Variants in ZNF236 observed in about 807,000 individuals in gnomAD.
ZNF236 encodes the protein zinc finger protein 236, also known as regulated by glucose.
In ZNF236, 50 loss-of-function variants were observed where a neutral mutation model predicts 191.2. That is an observed-to-expected ratio of 0.26 (90% CI 0.21 to 0.33). The LOEUF (loss-of-function observed/expected upper bound fraction) is 0.33, where lower values mean the gene tolerates loss of function less well. ZNF236 is among the 10% of genes least tolerant of loss of function. The pLI, the probability that ZNF236 is intolerant of heterozygous loss-of-function variation, is 1.00. For synonymous variants in ZNF236, 907 were observed against 928.8 expected (o/e 0.98, Z 0.43); for missense variants, 1,754 against 2,374.5 (o/e 0.74, Z 5.43).
chr18:76,862,892 G>T (rs1281179571), intron 3 of ZNF236, among the ~76,000 whole-genome samples: 1 of 152,190 alleles, frequency 6.6e-6, no homozygotes, highest in Admixed American at 6.5e-5. Context: ...CAAGGAAAGA[G>T]CGGTATCAAT....
Position 76,960,630 on chromosome 18 carries a change from T to C in ZNF236, c.5243-49T>C. ...CATACCTCAGGGTAGAGCCCAGGCA[T>C]CCACTATACTTTTCTTAGAGACATT... is the stretch of plus-strand genomic sequence containing the variant. On this transcript the variant is annotated intron_variant, in intron 29 of 30. Transcript: ENST00000320610. This position sits in a 1 kb window ranked among gnomAD's most constrained non-coding sequence, Gnocchi z 4.4. 1 of 1,607,120 alleles carries C rather than the reference T, an allele frequency of 6.2e-7. No individual in the cohort carries two copies. Among genetic ancestry groups the C allele is most frequent in the Non-Finnish European group, 8.5e-7 (1 of 1,174,190 alleles).
At chr18:76,918,607 T>C (rs950103106) in intron 19 of ZNF236, among the ~76,000 whole-genome samples, 2 of 152,144 alleles carry the variant, frequency 1.3e-5, no homozygotes, top group African/African-American at 4.8e-5. Context: ...AAATTTTTTT[T>C]TGTAGAGACG....
At position 76,968,222 on chromosome 18, in the gene ZNF236, G is replaced by T. The variant is rs1327555865; in HGVS notation, c.5427G>T (p.Leu1809=). 1.2e-6 allele frequency: 2 copies of T among 1,613,902 alleles called. No homozygotes were observed. The highest frequency in any genetic ancestry group is 1.7e-6 in the Non-Finnish European group (2 of 1,179,916). ...MKRAHSYAGA[L]QESAGHPEQD... is the part of the protein sequence containing the mutation. ...TCTTTGTCTGCATAACAGGAGCTCT[G>T]CAGGAGTCTGCAGGTCACCCGGAGC... The change falls in exon 31 of 31, where the codon CTG becomes CTT. Residue 1809 remains leucine, a synonymous_variant. Coordinates refer to ENST00000320610, the MANE Select transcript of ZNF236 (RefSeq NM_001306089.2).
chr18:76,939,111 G>A (rs535895489), intron 26 of ZNF236, among the ~76,000 whole-genome samples: 18 of 152,232 alleles, frequency 1.2e-4, no homozygotes, highest in African/African-American at 4.1e-4. Context: ...AAGCCGAGAT[G>A]GGCTTGAGGT....
intron 12 of ZNF236, 131 bp downstream of exon 12, chr18:76,904,652 A>G (rs1977690529): frequency 1.4e-6 from 1 of 694,056 alleles, no homozygotes. Context: ...ACTCCAAAAC[A>G]TTTATTGGTA....
At chr18:76,914,004 G>A (rs1156418227) in intron 18 of ZNF236, 106 bp downstream of exon 18, 1 of 1,220,642 alleles carries the variant, frequency 8.2e-7, no homozygotes, top group Non-Finnish European at 1.1e-6. Context: ...GTACAATTCA[G>A]TGATTTTTAG....
chr18:76,969,112 A>G lies in ZNF236; in HGVS notation c.*773A>G. ...TGCAGAAGCACAAGCCATACATCGC[A>G]GGTAGGAAACCACAGAACCGTCTGC... On this transcript the variant is annotated 3_prime_UTR_variant, in exon 31 of 31. Transcript: ENST00000320610. The G allele has an allele frequency of 2.1e-6, 1 of 480,060 alleles. No homozygotes were observed. Among genetic ancestry groups the G allele is most frequent in the Non-Finnish European group, 2.7e-6 (1 of 367,408 alleles). 29.7% of individuals were successfully genotyped at this position (480,060 alleles called of 1,614,324 possible).
At chr18:76,834,535 A>G in intron 1 of ZNF236, 1 of 491,148 alleles carries the variant, frequency 2.0e-6, no homozygotes, top group South Asian at 1.7e-5. Flanking sequence ...GTCTTTGTCC[A>G]GTTTTAGCCT....
chr18:76,865,064 C>T lies in ZNF236; in HGVS notation c.364-3621C>T, dbSNP rs552996964. Reference sequence around the variant, plus strand: ...ATTAAAAGACATTGCTGGCTGGGCACGGTGGCTCACGCCTGTAATCCCAGC... The same window carrying T: ...ATTAAAAGACATTGCTGGCTGGGCATGGTGGCTCACGCCTGTAATCCCAGC... On this transcript the variant is annotated intron_variant, in intron 3 of 30. Transcript: ENST00000320610. 3.3e-5 allele frequency among the ~76,000 whole-genome samples: 5 copies of T among 152,292 alleles called. No homozygotes were observed. In the East Asian group the frequency reaches 5.8e-4, roughly 18 times the overall value.
chr18:76,892,156 A>ATT (rs1977258218), intron 9 of ZNF236, among the ~76,000 whole-genome samples: 1 of 74,370 alleles, frequency 1.3e-5, no homozygotes, highest in Non-Finnish European at 2.9e-5. Flanking sequence ...TCTTTTTGAA[A>ATT]TTTTCTTCTG....
chr18:76,878,232 A>G (rs1976770415), intron 7 of ZNF236, 80 bp downstream of exon 7: 4 of 1,368,574 alleles, frequency 2.9e-6, no homozygotes, highest in Non-Finnish European at 2.9e-6. Flanking sequence ...TTGAATATTT[A>G]GTAGCAAAAA....
intron 10 of ZNF236, among the ~76,000 whole-genome samples, chr18:76,898,651 T>G (rs1198291814): frequency 6.6e-6 from 1 of 152,246 alleles, no homozygotes; most frequent in Non-Finnish European, 1.5e-5. Context: ...TTACGTAATC[T>G]CAGCAGCAGC....
chr18:76,882,226 T>G (rs576227696), intron 9 of ZNF236, among the ~76,000 whole-genome samples: 2 of 152,328 alleles, frequency 1.3e-5, no homozygotes, highest in South Asian at 4.2e-4. Flanking sequence ...CGTCAAATCT[T>G]GGCCGTCATT....
intron 25 of ZNF236, among the ~76,000 whole-genome samples, chr18:76,933,598 C>T (rs1288423799): frequency 6.6e-6 from 1 of 151,076 alleles, no homozygotes; most frequent in South Asian, 2.1e-4. Flanking sequence ...GATTGGGTGA[C>T]ATTATAAAAT....
chr18:76,842,429 C>T (rs993070199), intron 1 of ZNF236, among the ~76,000 whole-genome samples: 1 of 149,002 alleles, frequency 6.7e-6, no homozygotes. Flanking sequence ...TCTGCTCCAC[C>T]CCCCTCAACT....
rs139229108 is a variant in ZNF236, at chr18:76,871,714, A to C, written c.556A>C (p.Arg186=). The part of the protein sequence containing the change: ...THYKIRVSST[R]SYNRNIDRSG... ...TTATTACACTAGGGTATCAAGTACA[A>C]GGTCTTATAACCGGAATATCGACAG... The change falls in exon 5 of 31, where the codon AGG becomes CGG. Residue 186 remains arginine (R), a synonymous_variant. Transcript: ENST00000320610. 4.9e-4 allele frequency: 796 copies of C among 1,614,196 alleles called. 6 individuals are homozygous for C. In the East Asian group the frequency reaches 8.9e-3, roughly 18 times the overall value.
chr18:76,925,676 C>G lies in ZNF236; in HGVS notation c.4027+122C>G, dbSNP rs1182894585. On this transcript the variant is annotated intron_variant, in intron 22 of 30. Coordinates refer to ENST00000320610, the MANE Select transcript of ZNF236 (RefSeq NM_001306089.2). This position sits in a 1 kb window ranked among gnomAD's most constrained non-coding sequence, Gnocchi z 5.7. ...TAGCACCACGTTTCCCTTCTTTGAG[C>G]CTTTTCCTTATAAGGCATTCGGAAA... is the stretch of plus-strand genomic sequence containing the variant. 7.4e-7 allele frequency: 1 copy of G among 1,359,476 alleles called. No individual in the cohort carries two copies. The highest frequency in any genetic ancestry group is 9.7e-7 in the Non-Finnish European group (1 of 1,026,822). 84.2% of individuals were successfully genotyped at this position (1,359,476 alleles called of 1,614,324 possible).
chr18:76,872,621 A>G (rs779663042), intron 5 of ZNF236, among the ~76,000 whole-genome samples: 2 of 152,246 alleles, frequency 1.3e-5, no homozygotes, highest in South Asian at 2.1e-4. Context: ...TTTTGCTTGA[A>G]TATTTGAAAG....
intron 18 of ZNF236, among the ~76,000 whole-genome samples, chr18:76,914,188 A>G (rs1599388966): frequency 6.6e-6 from 1 of 152,196 alleles, no homozygotes; most frequent in South Asian, 2.1e-4. Context: ...TGGGTATTTT[A>G]TAGAAGTACG....
Sources: allele counts gnomAD v4.1 joint callset (sites outside exome capture counted in the v4.1 genomes callset), GRCh38; gene constraint gnomAD v4.1.1; non-coding constraint Gnocchi (gnomAD v3.1); transcripts MANE v1.5; gene names NCBI Gene and HGNC (gene_info 2026-07-23, HGNC 2026-07-21).